Variants in GNAO1 observed in about 807,000 individuals in gnomAD.
GNAO1 encodes the protein guanine nucleotide-binding protein G(o) subunit alpha.
For missense variants in GNAO1, 166 were observed against 478.7 expected (o/e 0.35, Z 6.10); for synonymous variants, 164 against 180.7 (o/e 0.91, Z 0.74).
intron 2 of GNAO1, chr16:56,194,578 G>A (rs949965771): frequency 5.4e-5 from 13 of 241,032 alleles, no homozygotes; most frequent in African/African-American, 2.9e-4. Flanking sequence ...GGGCTCGGAG[G>A]GAGTCGGCGG....
intron 5 of GNAO1, chr16:56,336,446 T>C (rs371500462): frequency 3.2e-5 from 10 of 310,378 alleles, no homozygotes; most frequent in East Asian, 7.1e-5. Flanking sequence ...GTGGCTCAGG[T>C]GCGCCCTCTT....
At chr16:56,204,228 G>GCTCT (rs767482553) in intron 2 of GNAO1, among the ~76,000 whole-genome samples, 48 of 152,196 alleles carry the variant, frequency 3.2e-4, no homozygotes, top group Non-Finnish European at 3.8e-4. Context: ...AGAGATAGCA[G>GCTCT]AGAGGATATG....
intron 2 of GNAO1, among the ~76,000 whole-genome samples, chr16:56,199,444 C>T (rs554398708): frequency 1.3e-5 from 2 of 152,276 alleles, no homozygotes; most frequent in Admixed American, 6.5e-5. Flanking sequence ...CCAGGATGCT[C>T]AGAAGTGGAG....
chr16:56,252,103 A>G (rs571413316), intron 2 of GNAO1, among the ~76,000 whole-genome samples: 1 of 152,370 alleles, frequency 6.6e-6, no homozygotes, highest in African/African-American at 2.4e-5. Flanking sequence ...AGGAAGGTAG[A>G]GGGAATTCTG....
At chr16:56,264,790 T>A (rs1407160762) in intron 2 of GNAO1, among the ~76,000 whole-genome samples, 5 of 148,596 alleles carry the variant, frequency 3.4e-5, no homozygotes, top group Non-Finnish European at 5.9e-5. Flanking sequence ...AATATATTTT[T>A]ATCGTATAGT....
intron 2 of GNAO1, among the ~76,000 whole-genome samples, chr16:56,212,861 A>G (rs1329921438): frequency 2.6e-5 from 4 of 152,376 alleles, no homozygotes; most frequent in South Asian, 2.1e-4. Flanking sequence ...GTGATGAACT[A>G]TCATTTCTGA....
At chr16:56,225,627 A>G (rs2036527043) in intron 2 of GNAO1, among the ~76,000 whole-genome samples, 1 of 152,154 alleles carries the variant, frequency 6.6e-6, no homozygotes, top group Admixed American at 6.5e-5. Context: ...GGTGGAGTTC[A>G]TTCTGGTGGA....
rs182858686 is a variant in GNAO1, at chr16:56,208,807, T to A, written c.161+16191T>A. Among the ~76,000 whole-genome samples the A allele has an allele frequency of 6.5e-3, 986 of 152,350 alleles. 2 individuals are homozygous for A. Among genetic ancestry groups the A allele is most frequent in the Non-Finnish European group, 0.011 (735 of 68,024 alleles). Reference sequence around the variant, plus strand: ...GTGAGGTACCTGTTCTTTTGCCACTTTTTAAATTAGGTTGTAATTTTCTCA... The same window carrying A: ...GTGAGGTACCTGTTCTTTTGCCACTATTTAAATTAGGTTGTAATTTTCTCA... On this transcript the variant is annotated intron_variant, in intron 2 of 8. Transcript: ENST00000262493.
chr16:56,199,090 C>T (rs530764109), intron 2 of GNAO1, among the ~76,000 whole-genome samples: 2 of 152,182 alleles, frequency 1.3e-5, no homozygotes, highest in Admixed American at 6.5e-5. Context: ...CTGTTGTCAA[C>T]GGTGTATGAA....
intron 2 of GNAO1, among the ~76,000 whole-genome samples, chr16:56,212,753 A>T (rs141691264): frequency 6.6e-6 from 1 of 152,150 alleles, no homozygotes; most frequent in East Asian, 1.9e-4. Flanking sequence ...CTGTTGTGCT[A>T]TGTGGGTGCT....
intron 2 of GNAO1, among the ~76,000 whole-genome samples, chr16:56,202,124 GA>G (rs2036286689): frequency 6.6e-6 from 1 of 152,174 alleles, no homozygotes; most frequent in Non-Finnish European, 1.5e-5. Context: ...TCTGAGAAAT[GA>G]AAAAGAAAAC....
intron 2 of GNAO1, among the ~76,000 whole-genome samples, chr16:56,197,555 A>G (rs1186972356): frequency 6.6e-6 from 1 of 152,218 alleles, no homozygotes; most frequent in Non-Finnish European, 1.5e-5. Flanking sequence ...TGGGTTACCT[A>G]TTGGATTCTA....
chr16:56,282,983 C>T (rs1281499840), intron 3 of GNAO1, among the ~76,000 whole-genome samples: 1 of 152,204 alleles, frequency 6.6e-6, no homozygotes, highest in African/African-American at 2.4e-5. Flanking sequence ...TTAGTTACCA[C>T]TCTTCTGAGG....
Position 56,316,145 on chromosome 16 carries a change from C to G in GNAO1, c.304-12486C>G, listed in dbSNP as rs535735733. Among the ~76,000 whole-genome samples the G allele has an allele frequency of 2.1e-4, 32 of 152,226 alleles. No homozygotes were observed. The South Asian group carries it at 6.4e-3, about 31-fold the overall frequency. ...CAGGCCTCCACTAGCTCCCCTAGGGCCCCCATGCCCACTCTACACAGATGC... is the reference window on the plus strand; with the variant it reads ...CAGGCCTCCACTAGCTCCCCTAGGGGCCCCATGCCCACTCTACACAGATGC... On this transcript the variant is annotated intron_variant, in intron 3 of 8. Coordinates refer to ENST00000262493, the MANE Select transcript of GNAO1 (RefSeq NM_020988.3).
chr16:56,192,363 G>T lies in GNAO1; in HGVS notation c.118+10G>T, dbSNP rs2036183473. The T allele has an allele frequency of 4.0e-6, 6 of 1,487,744 alleles. No homozygotes were observed. The East Asian group carries it at 1.4e-4, about 34-fold the overall frequency. The allele number at this position is 1,487,744 out of a possible 1,614,324, so 92.2% of individuals were successfully genotyped here. ...AAATTACTCCTGCTCGGTAAGGACC[G>T]CCGCTGCTACCCCCATCCCCCGACC... On this transcript the variant is annotated intron_variant, in intron 1 of 8. Coordinates refer to ENST00000262493, the MANE Select transcript of GNAO1 (RefSeq NM_020988.3).
At chr16:56,267,048 C>T (rs1222339204) in intron 2 of GNAO1, among the ~76,000 whole-genome samples, 3 of 152,282 alleles carry the variant, frequency 2.0e-5, no homozygotes, top group Middle Eastern at 3.4e-3. Context: ...GTCAGGAAGC[C>T]AGGTCCCTCC....
Position 56,192,262 on chromosome 16 carries a change from G to A in GNAO1, c.27G>A (p.Glu9=), listed in dbSNP as rs139334934. The change falls in exon 1 of 9, where the codon GAG becomes GAA. Residue 9 remains glutamate, a synonymous_variant. Coordinates refer to ENST00000262493, the MANE Select transcript of GNAO1 (RefSeq NM_020988.3). ...TGGGATGTACTCTGAGCGCAGAGGA[G>A]AGAGCCGCCCTCGAGCGGAGCAAGG... is the stretch of plus-strand genomic sequence containing the variant. MGCTLSAE[E]RAALERSKAI... 5.5e-4 allele frequency: 879 copies of A among 1,605,732 alleles called. 1 individual carries two copies. Among genetic ancestry groups the A allele is most frequent in the Non-Finnish European group, 6.8e-4 (799 of 1,175,158 alleles).
chr16:56,269,265 T>A (rs566986874), intron 2 of GNAO1, among the ~76,000 whole-genome samples: 1 of 152,284 alleles, frequency 6.6e-6, no homozygotes, highest in East Asian at 1.9e-4. Context: ...TTTTCTCCAC[T>A]GTGGCTTGTT....
At chr16:56,288,677 G>A (rs1440725805) in intron 3 of GNAO1, among the ~76,000 whole-genome samples, 4 of 152,124 alleles carry the variant, frequency 2.6e-5, no homozygotes, top group African/African-American at 9.7e-5. Context: ...TTACTTTCTG[G>A]CCTCTGGAGA....
Sources: allele counts gnomAD v4.1 joint callset (sites outside exome capture counted in the v4.1 genomes callset), GRCh38; gene constraint gnomAD v4.1.1; transcripts MANE v1.5; gene names NCBI Gene and HGNC (gene_info 2026-07-23, HGNC 2026-07-21).